Variants in ATRN observed in about 807,000 individuals in gnomAD.
The protein encoded by ATRN is attractin.
A neutral mutation model predicts 178.7 loss-of-function variants in ATRN; 54 were observed. The observed-to-expected ratio is 0.30, with a 90% confidence interval of 0.24 to 0.38. The LOEUF is 0.38. ATRN is among the 10% of genes least tolerant of loss of function. ATRN has a pLI of 1.00. For missense variants in ATRN, 1,443 were observed against 1,815.1 expected (o/e 0.79, Z 3.73); for synonymous variants, 636 against 663.0 (o/e 0.96, Z 0.63).
Position 3,559,481 on chromosome 20 carries a change from A to G in ATRN, c.1201A>G (p.Lys401Glu). The G allele has an allele frequency of 1.2e-6, 2 of 1,611,076 alleles. No homozygotes were observed. Among genetic ancestry groups the G allele is most frequent in the Non-Finnish European group, 1.7e-6 (2 of 1,177,318 alleles). Residue 401 changes from lysine to glutamate, a missense_variant and splice_region_variant, in exon 7 of 29, where the codon AAG (lysine) becomes GAG (glutamate). Lys to Glu is a moderately conservative substitution (Grantham distance 56). Transcript: ENST00000262919. ...VRYGHSLALY[K>E]DKIYMYGGKI... is the part of the protein sequence containing the mutation. ...ATATGGTCATTCTTTGGCATTATAC[A>G]AGGTAAAGCATCTCCACTCTGTGCT...
intron 24 of ATRN, among the ~76,000 whole-genome samples, chr20:3,613,410 G>A (rs973382944): frequency 1.1e-4 from 16 of 152,168 alleles, no homozygotes; most frequent in African/African-American, 2.9e-4. Flanking sequence ...GGCTGAGCTC[G>A]TGTCTTCCTG....
At chr20:3,594,625 G>A in intron 20 of ATRN, 53 bp downstream of exon 20, 2 of 1,480,486 alleles carry the variant, frequency 1.4e-6, no homozygotes, top group South Asian at 1.3e-5. Context: ...CTGTGCAGCT[G>A]CCTGAACCCC....
At chr20:3,615,792 G>A (rs1439432072) in intron 24 of ATRN, 1 of 453,954 alleles carries the variant, frequency 2.2e-6, no homozygotes, top group South Asian at 1.6e-5. Context: ...CTATCGCAAG[G>A]ACAAAAAACT....
chr20:3,516,000 G>A (rs2146137950), intron 1 of ATRN, among the ~76,000 whole-genome samples: 1 of 152,288 alleles, frequency 6.6e-6, no homozygotes, highest in African/African-American at 2.4e-5. Context: ...AGTGCCATTA[G>A]AATGCCAGGC....
At chr20:3,593,947 T>C (rs922882715) in intron 19 of ATRN, among the ~76,000 whole-genome samples, 8 of 152,040 alleles carry the variant, frequency 5.3e-5, no homozygotes, top group African/African-American at 1.9e-4. Context: ...GAAGCAAGGG[T>C]GGCATGTCCT....
Position 3,494,393 on chromosome 20 carries a change from A to T in ATRN, c.410+22876A>T, listed in dbSNP as rs373733981. ...TCCAGGCAAGTTTTGACATGATCAG[A>T]TTGCCCTTGGTAACATTATAAAGAA... On this transcript the variant is annotated intron_variant, in intron 1 of 28. Transcript: ENST00000262919. 2.5e-4 allele frequency among the ~76,000 whole-genome samples: 38 copies of T among 152,240 alleles called. No homozygotes were observed. In the East Asian group the frequency reaches 7.0e-3, roughly 28 times the overall value.
At chr20:3,610,594 A>T in intron 24 of ATRN, among the ~76,000 whole-genome samples, 1 of 116,068 alleles carries the variant, frequency 8.6e-6, no homozygotes, top group African/African-American at 3.3e-5. Flanking sequence ...TTTTTTTGAG[A>T]CAGGGTCTCA....
intron 19 of ATRN, among the ~76,000 whole-genome samples, chr20:3,593,041 G>A (rs763888776): frequency 1.1e-4 from 16 of 152,276 alleles, no homozygotes; most frequent in South Asian, 2.1e-4. Flanking sequence ...CAAGACACAG[G>A]TGCTTTTATT....
intron 1 of ATRN, among the ~76,000 whole-genome samples, chr20:3,518,202 A>G (rs2085232523): frequency 6.6e-6 from 1 of 152,182 alleles, no homozygotes; most frequent in Admixed American, 6.5e-5. Flanking sequence ...GGGACGTGGT[A>G]TAACGGGACC....
intron 1 of ATRN, among the ~76,000 whole-genome samples, chr20:3,495,833 G>A (rs1431541006): frequency 1.3e-5 from 2 of 151,210 alleles, no homozygotes; most frequent in African/African-American, 2.4e-5. Flanking sequence ...TTAAAGAAAG[G>A]GGATCTATAA....
chr20:3,471,602 G>C (rs1215939377), intron 1 of ATRN, 85 bp downstream of exon 1: 1 of 1,345,446 alleles, frequency 7.4e-7, no homozygotes, highest in Non-Finnish European at 9.5e-7. Flanking sequence ...GTCAGAGGGA[G>C]ATGCTGGACA....
At chr20:3,530,795 T>G (rs2146171222) in intron 1 of ATRN, among the ~76,000 whole-genome samples, 1 of 151,870 alleles carries the variant, frequency 6.6e-6, no homozygotes, top group South Asian at 2.1e-4. Flanking sequence ...ATGAGAAAAG[T>G]TGAGATTTTA....
At chr20:3,627,045 C>A (rs964289592) in intron 25 of ATRN, among the ~76,000 whole-genome samples, 4 of 152,072 alleles carry the variant, frequency 2.6e-5, no homozygotes, top group Non-Finnish European at 5.9e-5. Context: ...CCTCTGCCTC[C>A]CAAAGTGCTG....
chr20:3,626,495 A>G (rs2086941010), intron 25 of ATRN, among the ~76,000 whole-genome samples: 1 of 152,210 alleles, frequency 6.6e-6, no homozygotes, highest in African/African-American at 2.4e-5. Flanking sequence ...GAACACTTCT[A>G]GAGTATTGAT....
At chr20:3,611,756 A>G (rs2086769990) in intron 24 of ATRN, among the ~76,000 whole-genome samples, 1 of 152,330 alleles carries the variant, frequency 6.6e-6, no homozygotes, top group African/African-American at 2.4e-5. Context: ...TAAAAATAAA[A>G]TAACCATTAG....
chr20:3,603,770 G>A (rs567341645), intron 23 of ATRN, among the ~76,000 whole-genome samples: 2 of 152,250 alleles, frequency 1.3e-5, no homozygotes, highest in African/African-American at 4.8e-5. Context: ...TTACAGATGT[G>A]AGCCACCGCA....
In ATRN at chr20:3,600,960, G is replaced by C; in HGVS notation, c.3579G>C (p.Leu1193Phe). Residue 1193 changes from leucine to phenylalanine, a missense_variant, in exon 23 of 29, where the codon TTG (leucine) becomes TTC (phenylalanine). By Grantham distance (22) the Leu-to-Phe change is conservative (BLOSUM62 0). Around this residue, in one of 4 missense-constraint regions of ATRN, gnomAD observed 289 missense variants for 440.8 expected, o/e 0.66. Coordinates refer to ENST00000262919, the MANE Select transcript of ATRN (RefSeq NM_139321.3). ...CCGCTCATCAGCAAAACAGGGATTT[G>C]GACATGTTCATCAATGCCTCCAAGA... Reference protein sequence around the residue: ...VATPDEQNRDLDMFINASKNF... With the variant: ...VATPDEQNRDFDMFINASKNF... 2 of 1,613,554 alleles carry C rather than the reference G, an allele frequency of 1.2e-6. No homozygotes were observed. Among genetic ancestry groups the C allele is most frequent in the Non-Finnish European group, 1.7e-6 (2 of 1,179,628 alleles).
At chr20:3,495,121 T>C (rs1390587388) in intron 1 of ATRN, among the ~76,000 whole-genome samples, 1 of 152,222 alleles carries the variant, frequency 6.6e-6, no homozygotes, top group African/African-American at 2.4e-5. Flanking sequence ...GATCATAGTA[T>C]GAGTCAATAT....
chr20:3,583,788 C>G lies in ATRN; in HGVS notation c.2765-110C>G. 5.3e-6 allele frequency: 6 copies of G among 1,135,222 alleles called. 1 individual carries two copies. The South Asian group carries it at 9.2e-5, about 17-fold the overall frequency. The allele number at this position is 1,135,222 out of a possible 1,614,324, so 70.3% of individuals were successfully genotyped here. On this transcript the variant is annotated intron_variant, in intron 16 of 28. Coordinates refer to ENST00000262919, the MANE Select transcript of ATRN (RefSeq NM_139321.3). Reference sequence around the variant, plus strand: ...GTGCCACTGCACTCTAGCCTGGAGACAGAGTGAGACTCCGTCTCAAAAAAA... The same window carrying G: ...GTGCCACTGCACTCTAGCCTGGAGAGAGAGTGAGACTCCGTCTCAAAAAAA...
Sources: gnomAD v4.1 joint callset for allele counts (sites outside exome capture counted in the v4.1 genomes callset) on GRCh38, gnomAD v4.1.1 for gene constraint, gnomAD v4.1.1 regional missense constraint, MANE v1.5 for transcripts, NCBI Gene and HGNC (gene_info 2026-07-23, HGNC 2026-07-21) for gene names.